PANK4: variants seen among roughly 807,000 people sequenced by gnomAD.
The protein encoded by PANK4 is pantothenate kinase 4 (inactive).
PANK4 carries 40 observed loss-of-function variants against 87.9 expected under a neutral mutation model. The observed-to-expected ratio is 0.46, with a 90% CI of 0.35 to 0.59. The LOEUF (loss-of-function observed/expected upper bound fraction) is 0.59. Among genes scored for constraint, PANK4 ranks in the 20% least tolerant of loss-of-function variants. The pLI is 0.00. For synonymous variants in PANK4, 524 were observed against 467.4 expected (o/e 1.12, Z -1.56); for missense variants, 926 against 1,072.3 (o/e 0.86, Z 1.90).
chr1:2,512,841 A>C, intron 13 of PANK4, 47 bp downstream of exon 13: 1 of 1,592,134 alleles, frequency 6.3e-7, no homozygotes, highest in Non-Finnish European at 8.6e-7. Context: ...GGGGCAGGAC[A>C]GGCACCCACA....
intron 1 of PANK4, among the ~76,000 whole-genome samples, chr1:2,523,767 C>G (rs544462338): frequency 4.6e-5 from 7 of 152,246 alleles, no homozygotes; most frequent in Admixed American, 2.6e-4. Flanking sequence ...GAGGGAACCG[C>G]CTGCGGGCGG....
In PANK4 at chr1:2,508,591, T is replaced by C. The variant is rs1247391300; in HGVS notation, c.*256A>G. On this transcript the variant is annotated 3_prime_UTR_variant, in exon 19 of 19. Transcript: ENST00000378466. The surrounding 1 kb of genome is among the most constrained non-coding windows in gnomAD (Gnocchi z 5.1). ...CCACGGTGCTGCGTCCCGTCAGACATACCTGTATAGATCTCTCTATTTATA... is the reference window on the plus strand; with the variant it reads ...CCACGGTGCTGCGTCCCGTCAGACACACCTGTATAGATCTCTCTATTTATA... The C allele has an allele frequency of 9.6e-6, 2 of 208,878 alleles. No individual in the cohort carries two copies. Among genetic ancestry groups the C allele is most frequent in the African/African-American group, 4.9e-5 (2 of 40,504 alleles). The allele number at this position is 208,878 out of a possible 1,614,324, so 12.9% of individuals were successfully genotyped here. A position where few individuals can be genotyped will look rare whatever the true frequency, so the allele number is the denominator to read the frequency against.
chr1:2,520,000 G>T lies in PANK4; in HGVS notation c.700-46C>A. The T allele has an allele frequency of 6.7e-7, 1 of 1,502,422 alleles. No individual in the cohort carries two copies. 93.1% of individuals were successfully genotyped at this position (1,502,422 alleles called of 1,614,324 possible). ...GCGGGTGAGGCGCCAGGAGCTGCTG[G>T]AATCCCCACGACCCCAGAAACCAAG... On this transcript the variant is annotated intron_variant, in intron 5 of 18. Coordinates refer to ENST00000378466, the MANE Select transcript of PANK4 (RefSeq NM_018216.4). This position sits in a 1 kb window ranked among gnomAD's most constrained non-coding sequence, Gnocchi z 8.3.
At chr1:2,517,804 G>A (rs1042765797) in intron 9 of PANK4, among the ~76,000 whole-genome samples, 1 of 152,244 alleles carries the variant, frequency 6.6e-6, no homozygotes, top group African/African-American at 2.4e-5. Context: ...GCCCTGGGTG[G>A]CTCCTGCGGT....
At chr1:2,525,311 G>A (rs911506450) in intron 1 of PANK4, among the ~76,000 whole-genome samples, 2 of 152,106 alleles carry the variant, frequency 1.3e-5, no homozygotes, top group African/African-American at 2.4e-5. Flanking sequence ...AGTATTTACT[G>A]GGCGGCAAAG....
At position 2,519,165 on chromosome 1, in the gene PANK4, T is replaced by C. The variant is rs377051516; in HGVS notation, c.1013A>G (p.Tyr338Cys). 10 of 1,612,330 alleles carry C rather than the reference T, an allele frequency of 6.2e-6. No homozygotes were observed. The African/African-American group carries it at 1.1e-4, about 17-fold the overall frequency. ...GHPVTMRTIT[Y>C]SINFFSKGEV... is the part of the protein sequence containing the mutation. ...TACCTTGGAGAAGAAGTTGATGCTATAGGTGATGGTGCGCATGGTCACGGG... is the reference window on the plus strand; with the variant it reads ...TACCTTGGAGAAGAAGTTGATGCTACAGGTGATGGTGCGCATGGTCACGGG... Residue 338 changes from tyrosine to cysteine, a missense_variant, in exon 7 of 19, where the codon TAT (tyrosine) becomes TGT (cysteine). Coordinates refer to ENST00000378466, the MANE Select transcript of PANK4 (RefSeq NM_018216.4). The surrounding 1 kb of genome is among the most constrained non-coding windows in gnomAD (Gnocchi z 8.3).
In PANK4 at chr1:2,521,085, T is replaced by C. The variant is rs773917243; in HGVS notation, c.422+16A>G. 4 of 1,596,030 alleles carry C rather than the reference T, an allele frequency of 2.5e-6. No homozygotes were observed. The South Asian group carries it at 4.4e-5, about 18-fold the overall frequency. On this transcript the variant is annotated intron_variant, in intron 3 of 18. Transcript: ENST00000378466. ...CAGACACATGTTCCTTTCTCGCCCT[T>C]GAGATCCCCACTCACTTCAGCCGCA...
In PANK4 at chr1:2,518,492, A is replaced by T. The variant is rs780019276; in HGVS notation, c.1117+24T>A. The T allele has an allele frequency of 1.3e-4, 196 of 1,540,854 alleles. No homozygotes were observed. The East Asian group carries it at 2.8e-3, about 22-fold the overall frequency. ...CCACAGCTGAGGCCCCACGCTGCTCAGGGGCGCCAGCACCGCGACTCACTG... is the reference window on the plus strand; with the variant it reads ...CCACAGCTGAGGCCCCACGCTGCTCTGGGGCGCCAGCACCGCGACTCACTG... On this transcript the variant is annotated intron_variant, in intron 8 of 18. Coordinates refer to ENST00000378466, the MANE Select transcript of PANK4 (RefSeq NM_018216.4).
chr1:2,524,760 T>G (rs1204156319), intron 1 of PANK4, among the ~76,000 whole-genome samples: 2 of 152,196 alleles, frequency 1.3e-5, no homozygotes, highest in Non-Finnish European at 2.9e-5. Flanking sequence ...TTCAGAAACA[T>G]TTAATCCCGA....
chr1:2,515,891 A>G lies in PANK4; in HGVS notation c.1219-174T>C, dbSNP rs1643762787. The G allele has an allele frequency of 1.5e-6, 1 of 666,850 alleles. No homozygotes were observed. Among genetic ancestry groups the G allele is most frequent in the East Asian group, 2.7e-5 (1 of 36,568 alleles). 41.3% of individuals were successfully genotyped at this position (666,850 alleles called of 1,614,324 possible). On this transcript the variant is annotated intron_variant, in intron 9 of 18. Coordinates refer to ENST00000378466, the MANE Select transcript of PANK4 (RefSeq NM_018216.4). The surrounding 1 kb of genome is among the most constrained non-coding windows in gnomAD (Gnocchi z 5.0). ...GCCCCCTCAGCTGCCCGGCGGCCTGAGCCGGATACCTTGACTTACCCCCTG... is the reference window on the plus strand; with the variant it reads ...GCCCCCTCAGCTGCCCGGCGGCCTGGGCCGGATACCTTGACTTACCCCCTG...
Position 2,520,572 on chromosome 1 carries a change from TC to T in PANK4, c.606+150del. On this transcript the variant is annotated intron_variant, in intron 4 of 18. Transcript: ENST00000378466. The surrounding 1 kb of genome is among the most constrained non-coding windows in gnomAD (Gnocchi z 6.2). ...CCAAGCCTGGGGGCGCTGATGCCCC[TC>T]CCACAGAGGCTCTGAGCTCACAGCC... The T allele has an allele frequency of 3.7e-6, 3 of 817,186 alleles. No individual in the cohort carries two copies. Among genetic ancestry groups the T allele is most frequent in the Non-Finnish European group, 5.5e-6 (3 of 543,394 alleles). 50.6% of individuals were successfully genotyped at this position (817,186 alleles called of 1,614,324 possible).
intron 9 of PANK4, among the ~76,000 whole-genome samples, chr1:2,516,683 G>C (rs1282784878): frequency 6.6e-6 from 1 of 152,196 alleles, no homozygotes; most frequent in East Asian, 1.9e-4. Context: ...ACGCCTTCCA[G>C]GTGGGAAGCC....
At chr1:2,514,569 G>A (rs1345102456) in intron 10 of PANK4, 103 bp from the exon 11 acceptor site, 1 of 717,946 alleles carries the variant, frequency 1.4e-6, no homozygotes, top group Non-Finnish European at 2.3e-6. Context: ...GTCGGCCGTG[G>A]GGGACTGTCT....
At chr1:2,514,311 T>C (rs897145004) in intron 11 of PANK4, 43 bp downstream of exon 11, 18 of 1,447,068 alleles carry the variant, frequency 1.2e-5, no homozygotes, top group Non-Finnish European at 1.7e-5. Context: ...AGGGGCCCTC[T>C]GGATGGAAGA....
At position 2,519,399 on chromosome 1, in the gene PANK4, G is replaced by C. The variant is rs1315196336; in HGVS notation, c.854-75C>G. Reference sequence around the variant, plus strand: ...GACATGAGAGCGAGCAGGAGGGGAGGGGGAGAGAGAGCTGAGTGGGAGGGG... The same window carrying C: ...GACATGAGAGCGAGCAGGAGGGGAGCGGGAGAGAGAGCTGAGTGGGAGGGG... On this transcript the variant is annotated intron_variant, in intron 6 of 18. Transcript: ENST00000378466. This position sits in a 1 kb window ranked among gnomAD's most constrained non-coding sequence, Gnocchi z 8.3. The C allele has an allele frequency of 5.4e-5, 35 of 649,694 alleles. 1 individual carries two copies. The highest frequency in any genetic ancestry group is 1.7e-4 in the African/African-American group (8 of 48,160). 40.2% of individuals were successfully genotyped at this position (649,694 alleles called of 1,614,324 possible). A position where few individuals can be genotyped will look rare whatever the true frequency, so the allele number is the denominator to read the frequency against.
At chr1:2,524,972 G>A (rs1427641235) in intron 1 of PANK4, among the ~76,000 whole-genome samples, 1 of 152,142 alleles carries the variant, frequency 6.6e-6, no homozygotes, top group East Asian at 1.9e-4. Context: ...AGTCCTATCA[G>A]CGGTCCCTAA....
chr1:2,519,504 C>A lies in PANK4; in HGVS notation c.854-180G>T, dbSNP rs1228081739. The stretch of plus-strand genomic sequence containing the variant: ...ACTGGAGCCCAAGTGCGGGAGGCTG[C>A]GTGTGATGTGTGAATCATTCCTGGA... On this transcript the variant is annotated intron_variant, in intron 6 of 18. Transcript: ENST00000378466. This position sits in a 1 kb window ranked among gnomAD's most constrained non-coding sequence, Gnocchi z 8.3. Among the ~76,000 whole-genome samples the A allele has an allele frequency of 1.3e-5, 2 of 151,410 alleles. No individual in the cohort carries two copies. The highest frequency in any genetic ancestry group is 2.9e-5 in the Non-Finnish European group (2 of 67,914).
Position 2,520,858 on chromosome 1 carries a change from G to T in PANK4, c.471C>A (p.Phe157Leu). The change falls in exon 4 of 19, where the codon TTC becomes TTA. Residue 157 changes from phenylalanine to leucine, a missense_variant. Phe to Leu is a conservative substitution (Grantham distance 22, BLOSUM62 0). Transcript: ENST00000378466. The surrounding 1 kb of genome is among the most constrained non-coding windows in gnomAD (Gnocchi z 6.2). ...CCTCATGGGGGATGTTCTTGAGCACGAAGTTGCACCCCTTAATCAGGCACG... is the reference window on the plus strand; with the variant it reads ...CCTCATGGGGGATGTTCTTGAGCACTAAGTTGCACCCCTTAATCAGGCACG... ...VMTCLIKGCNFVLKNIPHEAF... is the reference protein window; with the variant it reads ...VMTCLIKGCNLVLKNIPHEAF... 6.3e-7 allele frequency: 1 copy of T among 1,580,628 alleles called. No homozygotes were observed. Among genetic ancestry groups the T allele is most frequent in the Non-Finnish European group, 8.6e-7 (1 of 1,164,324 alleles).
rs574754464 is a variant in PANK4, at chr1:2,520,777, G to A, written c.552C>T (p.Pro184=). The change falls in exon 4 of 19, where the codon CCC becomes CCT. Residue 184 remains proline, a synonymous_variant. Coordinates refer to ENST00000378466, the MANE Select transcript of PANK4 (RefSeq NM_018216.4). The surrounding 1 kb of genome is among the most constrained non-coding windows in gnomAD (Gnocchi z 6.2). ...TGACAAGAAGATAGGGGAAAATGTG[G>A]GGGTGGTTGGTCTGGAACCGGAACT... ...DPEFRFQTNH[P]HIFPYLLVNI... The A allele has an allele frequency of 6.2e-7, 1 of 1,613,614 alleles. No individual in the cohort carries two copies. Among genetic ancestry groups the A allele is most frequent in the East Asian group, 2.2e-5 (1 of 44,888 alleles).
Sources: allele counts gnomAD v4.1 joint callset (sites outside exome capture counted in the v4.1 genomes callset), GRCh38; gene constraint gnomAD v4.1.1; non-coding constraint Gnocchi (gnomAD v3.1); transcripts MANE v1.5; gene names NCBI Gene and HGNC (gene_info 2026-07-23, HGNC 2026-07-21).